SCN10A: variants seen among roughly 807,000 people sequenced by gnomAD.
SCN10A encodes the protein sodium voltage-gated channel alpha subunit 10.
A neutral mutation model predicts 170.7 loss-of-function variants in SCN10A; 162 were observed. The ratio of observed to expected loss-of-function variants is 0.95; its 90% confidence interval spans 0.84 to 1.08. The LOEUF is 1.08. Among genes scored for constraint, SCN10A ranks in the 50% least tolerant of loss-of-function variants. The probability of loss-of-function intolerance (pLI) is 0.00; values close to 1 mark genes in which losing one functional copy is unlikely to be tolerated. For missense variants in SCN10A, 2,527 were observed against 2,436.9 expected (o/e 1.04, Z -0.78); for synonymous variants, 985 against 904.6 (o/e 1.09, Z -1.59).
intron 15 of SCN10A, among the ~76,000 whole-genome samples, chr3:38,735,868 T>C (rs575738479): frequency 1.3e-5 from 2 of 152,236 alleles, no homozygotes; most frequent in Non-Finnish European, 2.9e-5. Flanking sequence ...CAGGTGTTTA[T>C]TGAGTTCCTA....
chr3:38,723,593 G>A (rs915725584), intron 18 of SCN10A, 40 bp from the exon 19 acceptor site: 14 of 1,551,682 alleles, frequency 9.0e-6, no homozygotes, highest in Middle Eastern at 1.7e-4. Flanking sequence ...TCGTCTCTCC[G>A]CGGGGCCCGG....
At chr3:38,760,611 T>C (rs375935709) in intron 8 of SCN10A, 70 bp downstream of exon 8, 5 of 1,242,704 alleles carry the variant, frequency 4.0e-6, no homozygotes, top group South Asian at 2.4e-5. Context: ...TCTGTGCCCA[T>C]AATATGCCAA....
chr3:38,704,226 G>A (rs775617305), intron 26 of SCN10A, among the ~76,000 whole-genome samples: 6 of 152,182 alleles, frequency 3.9e-5, no homozygotes, highest in African/African-American at 7.2e-5. Flanking sequence ...ATCCTGTTGG[G>A]TTAGAGCAAA....
At chr3:38,777,593 G>A (rs987989199) in intron 4 of SCN10A, among the ~76,000 whole-genome samples, 2 of 152,064 alleles carry the variant, frequency 1.3e-5, no homozygotes, top group Non-Finnish European at 2.9e-5. Flanking sequence ...GCTGGAAAAT[G>A]TGACCCTTAA....
chr3:38,721,877 T>A (rs1311439910), intron 20 of SCN10A, among the ~76,000 whole-genome samples: 1 of 152,068 alleles, frequency 6.6e-6, no homozygotes, highest in Non-Finnish European at 1.5e-5. Context: ...GTTGGGGAGG[T>A]CAGAGGGTGG....
rs778042620 is a variant in SCN10A, at chr3:38,756,975, C to T, written c.1092+43G>A. The T allele has an allele frequency of 5.6e-6, 9 of 1,603,072 alleles. No individual in the cohort carries two copies. The Admixed American group carries it at 1.0e-4, about 18-fold the overall frequency. On this transcript the variant is annotated intron_variant, in intron 9 of 27. Transcript: ENST00000449082. The stretch of plus-strand genomic sequence containing the variant: ...AAAGCACAGCCATGCAGCTGACCCA[C>T]CAGCCTCCAACCAAGTCTGCGTGGG...
chr3:38,771,142 T>C, intron 5 of SCN10A, 137 bp downstream of exon 5: 1 of 868,890 alleles, frequency 1.2e-6, no homozygotes, highest in Non-Finnish European at 1.8e-6. Context: ...ATTCCTGCAG[T>C]GGTTCTTGGA....
chr3:38,718,504 G>A lies in SCN10A; in HGVS notation c.3681+149C>T, dbSNP rs1048354788. On this transcript the variant is annotated intron_variant, in intron 21 of 27. Transcript: ENST00000449082. ...GGACTTTACCACTCATGGGTGTCAG[G>A]GCTATTCTCAGACTCCTCACTAAAT... The A allele has an allele frequency of 3.2e-5, 23 of 708,520 alleles. No individual in the cohort carries two copies. In the African/African-American group the frequency reaches 3.6e-4, roughly 11 times the overall value. 43.9% of individuals were successfully genotyped at this position (708,520 alleles called of 1,614,324 possible). A position where few individuals can be genotyped will look rare whatever the true frequency, so the allele number is the denominator to read the frequency against.
At chr3:38,814,962 G>T (rs2064462966) in intron 1 of SCN10A, among the ~76,000 whole-genome samples, 3 of 152,142 alleles carry the variant, frequency 2.0e-5, no homozygotes, top group Admixed American at 2.0e-4. Context: ...GCTTCATTTT[G>T]CAAGTCCAGT....
At chr3:38,797,186 C>G (rs530585060) in intron 1 of SCN10A, among the ~76,000 whole-genome samples, 1 of 151,968 alleles carries the variant, frequency 6.6e-6, no homozygotes, top group African/African-American at 2.4e-5. Context: ...CCTGCTTGCT[C>G]CCACCATACC....
At chr3:38,708,454 T>C (rs1284708840) in intron 25 of SCN10A, among the ~76,000 whole-genome samples, 2 of 152,242 alleles carry the variant, frequency 1.3e-5, no homozygotes, top group African/African-American at 2.4e-5. Context: ...TAAATAGCAC[T>C]GTCTTGTCCC....
Position 38,726,920 on chromosome 3 carries a change from T to C in SCN10A, c.2773A>G (p.Lys925Glu), listed in dbSNP as rs1342190715. ...ARIQVFGHRT[K>E]QALCSFFSRS... ...CTGAAGAAGCTGCAAAGAGCCTGTT[T>C]GGTACGATGGCCAAAGACCTGGATC... is the stretch of plus-strand genomic sequence containing the variant. Residue 925 changes from lysine to glutamate, a missense_variant, in exon 17 of 28, where the codon AAA (lysine) becomes GAA (glutamate). By Grantham distance (56) the Lys-to-Glu change is moderately conservative. Transcript: ENST00000449082. The C allele has an allele frequency of 2.5e-6, 4 of 1,614,198 alleles. No homozygotes were observed. The Admixed American group carries it at 6.7e-5, about 27-fold the overall frequency.
intron 9 of SCN10A, 39 bp downstream of exon 9, chr3:38,756,979 C>A (rs2063814763): frequency 6.2e-7 from 1 of 1,602,416 alleles, no homozygotes; most frequent in Non-Finnish European, 8.5e-7. Context: ...GACCCACCAG[C>A]CTCCAACCAA....
rs567269429 is a variant in SCN10A, at chr3:38,726,966, G to T, written c.2727C>A (p.Asn909Lys). The T allele has an allele frequency of 4.6e-5, 75 of 1,614,142 alleles. No individual in the cohort carries two copies. The highest frequency in any genetic ancestry group is 2.2e-5 in the South Asian group (2 of 91,094). Residue 909 changes from asparagine (N) to lysine (K), a missense_variant, in exon 17 of 28, where the codon AAC becomes AAA. Coordinates refer to ENST00000449082, the MANE Select transcript of SCN10A (RefSeq NM_006514.4). Reference protein sequence around the residue: ...TAPEDDGEVNNLQVALARIQV... With the variant: ...TAPEDDGEVNKLQVALARIQV... ...GGATCCGTGCCAGGGCCACCTGCAGGTTGTTCACCTCCCCATCGTCCTCCG... is the reference window on the plus strand; with the variant it reads ...GGATCCGTGCCAGGGCCACCTGCAGTTTGTTCACCTCCCCATCGTCCTCCG...
rs373391820 is a variant in SCN10A, at chr3:38,757,145, C to T, written c.965G>A (p.Gly322Asp). The T allele has an allele frequency of 4.4e-6, 7 of 1,606,146 alleles. No individual in the cohort carries two copies. The highest frequency in any genetic ancestry group is 5.9e-6 in the Non-Finnish European group (7 of 1,176,614). ...GTCAGAAGTTTTAAGGCAGATATAA[C>T]CATCAGGGCAGTGGCTGCAGCAAGA... is the stretch of plus-strand genomic sequence containing the variant. The part of the protein sequence containing the change: ...NGSDSGHCPD[G>D]YICLKTSDNP... Residue 322 changes from glycine (G) to aspartate (D), a missense_variant, in exon 9 of 28, where the codon GGT becomes GAT. Gly to Asp is a moderately conservative substitution (Grantham distance 94). Transcript: ENST00000449082.
chr3:38,771,777 T>C (rs532339395), intron 4 of SCN10A, among the ~76,000 whole-genome samples: 1 of 152,282 alleles, frequency 6.6e-6, no homozygotes, highest in East Asian at 1.9e-4. Context: ...TCCCAGTTTT[T>C]AGAAACTGGA....
At chr3:38,803,560 A>G (rs1173542190) in intron 1 of SCN10A, among the ~76,000 whole-genome samples, 1 of 151,334 alleles carries the variant, frequency 6.6e-6, no homozygotes, top group Non-Finnish European at 1.5e-5. Flanking sequence ...ACAAAAAACC[A>G]AACACTGCAT....
Position 38,726,794 on chromosome 3 carries a change from C to T in SCN10A, c.2899G>A (p.Ala967Thr). 6.2e-7 allele frequency: 1 copy of T among 1,611,408 alleles called. No homozygotes were observed. Among genetic ancestry groups the T allele is most frequent in the Non-Finnish European group, 8.5e-7 (1 of 1,177,724 alleles). ...KAENHIAANT[A>T]RGSSGGLQAP... ...TGGAGCCCTCCAGAGCTCCCCCTGG[C>T]AGTGTTGGCAGCAATGTGGTTCTCA... Residue 967 changes from alanine to threonine, a missense_variant, in exon 17 of 28, where the codon GCC becomes ACC. Coordinates refer to ENST00000449082, the MANE Select transcript of SCN10A (RefSeq NM_006514.4).
At chr3:38,798,483 T>C (rs1375538233) in intron 1 of SCN10A, among the ~76,000 whole-genome samples, 2 of 152,150 alleles carry the variant, frequency 1.3e-5, no homozygotes, top group African/African-American at 2.4e-5. Flanking sequence ...TTTTAGAGTC[T>C]AGTTGAATGT....
Sources: allele counts gnomAD v4.1 joint callset (sites outside exome capture counted in the v4.1 genomes callset), GRCh38; gene constraint gnomAD v4.1.1; transcripts MANE v1.5; gene names NCBI Gene and HGNC (gene_info 2026-07-23, HGNC 2026-07-21).